Variants in RBFOX1 observed in about 807,000 individuals in gnomAD.
RBFOX1 encodes the protein RNA binding fox-1 homolog 1, also known as RNA binding protein fox-1 homolog 1.
A neutral mutation model predicts 57.7 loss-of-function variants in RBFOX1; 8 were observed. The observed-to-expected ratio is 0.14, with a 90% CI of 0.08 to 0.25. The LOEUF (loss-of-function observed/expected upper bound fraction) is 0.25. Among genes scored for constraint, RBFOX1 ranks in the 10% least tolerant of loss-of-function variants. The probability of loss-of-function intolerance (pLI) is 1.00; values close to 1 mark genes in which losing one functional copy is unlikely to be tolerated. For synonymous variants in RBFOX1, 326 were observed against 222.4 expected (o/e 1.47, Z -4.15); for missense variants, 611 against 548.5 (o/e 1.11, Z -1.14).
chr16:6,212,372 C>T (rs892634833), intron 1 of RBFOX1, among the ~76,000 whole-genome samples: 4 of 151,952 alleles, frequency 2.6e-5, no homozygotes, highest in Non-Finnish European at 4.4e-5. Context: ...TTTAAAATTA[C>T]AGATAGGTAC....
rs961817308 is a variant in RBFOX1, at chr16:5,989,459, G to A, written c.351+122124G>A. On this transcript the variant is annotated intron_variant, in intron 4 of 19. Transcript: ENST00000641259. ...TGCTCAACAATGTTGAATGTGTACT[G>A]TCACAGGAAATGGAGGCAATTTTTA... 4.6e-5 allele frequency among the ~76,000 whole-genome samples: 7 copies of A among 152,186 alleles called. No individual in the cohort carries two copies. The South Asian group carries it at 6.2e-4, about 14-fold the overall frequency.
chr16:6,119,165 G>A (rs962742274), intron 1 of RBFOX1, among the ~76,000 whole-genome samples: 1 of 151,534 alleles, frequency 6.6e-6, no homozygotes, highest in African/African-American at 2.4e-5. Flanking sequence ...TCTTAGATGG[G>A]GATTATATAA....
chr16:5,774,306 C>T (rs770823141), intron 3 of RBFOX1, among the ~76,000 whole-genome samples: 5 of 152,216 alleles, frequency 3.3e-5, no homozygotes, highest in African/African-American at 1.2e-4. Context: ...ATTAATAACA[C>T]ACTGGCTTCC....
At chr16:6,952,193 C>G (rs1030161916) in intron 3 of RBFOX1, among the ~76,000 whole-genome samples, 1 of 152,130 alleles carries the variant, frequency 6.6e-6, no homozygotes, top group Non-Finnish European at 1.5e-5. Context: ...AGAAGGAATC[C>G]TTCACTGCTA....
At chr16:7,032,483 C>T (rs1301667375) in intron 3 of RBFOX1, among the ~76,000 whole-genome samples, 1 of 152,008 alleles carries the variant, frequency 6.6e-6, no homozygotes. Context: ...AAAATCCCAT[C>T]TTAATTTTTT....
rs567971587 is a variant in RBFOX1 at position 5,607,199 on chromosome 16, G to A, written c.318+8238G>A. On this transcript the variant is annotated intron_variant, in intron 3 of 19. Transcript: ENST00000641259. ...AATGTGCCTTCTACAGCGTCTGCTC[G>A]GCAGAAAACCAAGTGTGCGGACGAG... Among the ~76,000 whole-genome samples the A allele has an allele frequency of 2.6e-5, 4 of 152,262 alleles. No homozygotes were observed. The East Asian group carries it at 5.8e-4, about 22-fold the overall frequency.
intron 2 of RBFOX1, among the ~76,000 whole-genome samples, chr16:6,504,711 T>C (rs1598412762): frequency 3.9e-5 from 6 of 152,308 alleles, no homozygotes; most frequent in Admixed American, 3.9e-4. Context: ...ACTTGCAAGC[T>C]TTATCTTACA....
At chr16:7,004,021 C>T (rs1471787313) in intron 3 of RBFOX1, 2 of 148,640 alleles carry the variant, frequency 1.3e-5, no homozygotes, top group Non-Finnish European at 1.5e-5. Flanking sequence ...AAAAGTAACG[C>T]TTCACAAATT....
At chr16:6,916,009 A>G (rs2073070779) in intron 3 of RBFOX1, among the ~76,000 whole-genome samples, 1 of 141,544 alleles carries the variant, frequency 7.1e-6, no homozygotes, top group South Asian at 2.3e-4. Flanking sequence ...TACTGGGAAA[A>G]CTTAAAGACA....
Position 7,653,944 on chromosome 16 carries a change from G to T in RBFOX1, c.887G>T (p.Gly296Val). The T allele has an allele frequency of 6.6e-7, 1 of 1,521,066 alleles. No individual in the cohort carries two copies. The highest frequency in any genetic ancestry group is 8.8e-7 in the Non-Finnish European group (1 of 1,142,022). 94.2% of individuals were successfully genotyped at this position (1,521,066 alleles called of 1,614,324 possible). Reference protein sequence around the residue: ...AAPPPPIPAYGGVVYQDGFYG... With the variant: ...AAPPPPIPAYVGVVYQDGFYG... ...CCCCCGCCCCCGATCCCGGCCTACG[G>T]CGGGTAAGTGGGGCAGCCTCCTGGG... Residue 296 changes from glycine (G) to valine (V), a missense_variant, in exon 12 of 16, where the codon GGC becomes GTC. Physicochemically the swap from Gly to Val is moderately radical, Grantham distance 109 (BLOSUM62 -3). This residue lies in a region of RBFOX1 where 267 missense variants were observed against 229.1 expected (regional missense o/e 1.17). Coordinates refer to ENST00000550418, the MANE Select transcript of RBFOX1 (RefSeq NM_018723.4).
At position 6,641,449 on chromosome 16, in the gene RBFOX1, C is replaced by G. The variant is rs73544110; in HGVS notation, c.-63-13154C>G. ...ACTCATCCTCATTAGAATTTTTGCC[C>G]TGACGCCGGGCACGGTGGCCCACAC... On this transcript the variant is annotated intron_variant, in intron 2 of 15. Transcript: ENST00000550418. 4.0e-3 allele frequency among the ~76,000 whole-genome samples: 602 copies of G among 152,086 alleles called. 4 individuals carry two copies. The highest frequency in any genetic ancestry group is 0.014 in the African/African-American group (575 of 41,484).
chr16:7,113,552 A>G (rs931532595), intron 4 of RBFOX1, among the ~76,000 whole-genome samples: 16 of 152,152 alleles, frequency 1.1e-4, no homozygotes, highest in African/African-American at 3.9e-4. Flanking sequence ...TATATTATGC[A>G]ATTATGCACC....
intron 4 of RBFOX1, among the ~76,000 whole-genome samples, chr16:5,996,631 G>A (rs1436518456): frequency 1.3e-5 from 2 of 152,054 alleles, no homozygotes. Flanking sequence ...AGGGCTAATT[G>A]CAGCATAGGC....
chr16:7,378,917 C>G (rs1176233921), intron 4 of RBFOX1, among the ~76,000 whole-genome samples: 3 of 152,144 alleles, frequency 2.0e-5, no homozygotes, highest in African/African-American at 7.2e-5. Context: ...ACTGTTTCAC[C>G]AGAAGACACA....
At chr16:5,432,243 C>T (rs1037640429) in intron 1 of RBFOX1, among the ~76,000 whole-genome samples, 1 of 152,054 alleles carries the variant, frequency 6.6e-6, no homozygotes, top group Non-Finnish European at 1.5e-5. Flanking sequence ...ATCAAATCGG[C>T]CTGTAAAAAT....
rs1472928363 is a variant in RBFOX1 at position 5,694,871 on chromosome 16, G to C, written c.318+95910G>C. Among the ~76,000 whole-genome samples, 3 of 151,760 alleles carry C rather than the reference G, an allele frequency of 2.0e-5. No individual in the cohort carries two copies. In the East Asian group the frequency reaches 5.9e-4, roughly 30 times the overall value. ...ATGGTAGAAGAGAACAGATTTTGGA[G>C]AGACAATGAAAGCAGGAATTCTGCT... is the stretch of plus-strand genomic sequence containing the variant. On this transcript the variant is annotated intron_variant, in intron 3 of 19. Coordinates refer to the RBFOX1 transcript ENST00000641259.
chr16:6,076,346 A>G (rs931372821), intron 1 of RBFOX1, among the ~76,000 whole-genome samples: 3 of 150,392 alleles, frequency 2.0e-5, no homozygotes, highest in African/African-American at 7.5e-5. Flanking sequence ...ACACACACAC[A>G]TACACACACA....
At chr16:6,227,312 T>A (rs938032591) in intron 1 of RBFOX1, among the ~76,000 whole-genome samples, 2 of 152,154 alleles carry the variant, frequency 1.3e-5, no homozygotes, top group Non-Finnish European at 2.9e-5. Context: ...TTGAATTTTT[T>A]AAAAGTTCTC....
chr16:7,626,497 C>G (rs1363200665), intron 10 of RBFOX1, among the ~76,000 whole-genome samples: 7 of 152,158 alleles, frequency 4.6e-5, no homozygotes, highest in Admixed American at 1.3e-4. Context: ...ACGTGACAGG[C>G]TTTGGAACGG....
Sources: gnomAD v4.1 joint callset for allele counts (sites outside exome capture counted in the v4.1 genomes callset) on GRCh38, gnomAD v4.1.1 for gene constraint, gnomAD v4.1.1 regional missense constraint, MANE v1.5 for transcripts, NCBI Gene and HGNC (gene_info 2026-07-23, HGNC 2026-07-21) for gene names.